EVI5: variants seen among roughly 807,000 people sequenced by gnomAD.
The protein encoded by EVI5 is ecotropic viral integration site 5 protein homolog.
EVI5 carries 73 observed loss-of-function variants against 112.0 expected under a neutral mutation model. That is an observed-to-expected ratio of 0.65 (90% CI 0.54 to 0.79). The LOEUF is 0.79. Among genes scored for constraint, EVI5 ranks in the 30% least tolerant of loss-of-function variants. The pLI is 0.00. For missense variants in EVI5, 900 were observed against 968.8 expected, an observed-to-expected ratio of 0.93 and a Z score of 0.94; for synonymous variants, 305 against 319.9, an observed-to-expected ratio of 0.95 and a Z score of 0.50.
intron 9 of EVI5, among the ~76,000 whole-genome samples, chr1:92,688,966 T>C (rs1171082348): frequency 2.6e-5 from 4 of 151,946 alleles, no homozygotes; most frequent in African/African-American, 4.8e-5. Flanking sequence ...TGACAAAAGA[T>C]TACAACCCAG....
chr1:92,530,456 C>T (rs747729121), intron 19 of EVI5, among the ~76,000 whole-genome samples: 3 of 152,122 alleles, frequency 2.0e-5, no homozygotes, highest in African/African-American at 7.2e-5. Flanking sequence ...AGACTGCCTC[C>T]TCAAGTGGGT....
chr1:92,536,132 A>G (rs538936206), intron 19 of EVI5, among the ~76,000 whole-genome samples: 49 of 152,314 alleles, frequency 3.2e-4, no homozygotes, highest in African/African-American at 1.2e-3. Context: ...AAGACATCTG[A>G]CACACTCAGC....
rs148022314 is a variant in EVI5, at chr1:92,543,135, G to C, written c.2166+20507C>G. ...TCTCTGTCGCTAGGAAAGCCATAGA[G>C]GGCATCTTCCTCCGGTATAAGACTG... On this transcript the variant is annotated intron_variant, in intron 19 of 19. Coordinates refer to ENST00000684568, the MANE Select transcript of EVI5 (RefSeq NM_001350197.2). Among the ~76,000 whole-genome samples the C allele has an allele frequency of 2.7e-3, 417 of 152,290 alleles. 6 individuals are homozygous for C. The highest frequency in any genetic ancestry group is 9.7e-3 in the African/African-American group (404 of 41,576).
At chr1:92,759,057 C>T (rs1484783126) in intron 1 of EVI5, among the ~76,000 whole-genome samples, 1 of 152,028 alleles carries the variant, frequency 6.6e-6, no homozygotes, top group South Asian at 2.1e-4. Context: ...GGTGAAACCC[C>T]ATCTCTACCG....
chr1:92,514,528 C>T (rs994204383), intron 19 of EVI5, among the ~76,000 whole-genome samples: 1 of 152,072 alleles, frequency 6.6e-6, no homozygotes, highest in Non-Finnish European at 1.5e-5. Flanking sequence ...TCTCATTCTA[C>T]AGATTAGGAA....
intron 1 of EVI5, among the ~76,000 whole-genome samples, chr1:92,741,892 A>G (rs962985872): frequency 6.6e-5 from 10 of 152,156 alleles, no homozygotes; most frequent in African/African-American, 2.2e-4. Context: ...TAAGGGAAAA[A>G]CTTCATGACA....
intron 1 of EVI5, among the ~76,000 whole-genome samples, chr1:92,783,828 A>G (rs1257784536): frequency 1.6e-5 from 2 of 121,696 alleles, no homozygotes; most frequent in Non-Finnish European, 3.9e-5. Context: ...AAAAAAAAAG[A>G]AAAGAAAAGA....
At chr1:92,686,898 A>G (rs993336894) in intron 9 of EVI5, among the ~76,000 whole-genome samples, 1 of 152,224 alleles carries the variant, frequency 6.6e-6, no homozygotes. Flanking sequence ...GAGGACACAA[A>G]CAAACGGAAG....
intron 13 of EVI5, among the ~76,000 whole-genome samples, chr1:92,642,198 T>C (rs1489160667): frequency 1.3e-5 from 2 of 152,172 alleles, no homozygotes; most frequent in Non-Finnish European, 1.5e-5. Context: ...AAAAATTACA[T>C]CCTTTAAGAA....
rs182282237 is a variant in EVI5 at position 92,777,454 on chromosome 1, G to A, written c.-82+7382C>T. On this transcript the variant is annotated intron_variant, in intron 1 of 19. Coordinates refer to ENST00000684568, the MANE Select transcript of EVI5 (RefSeq NM_001350197.2). The stretch of plus-strand genomic sequence containing the variant: ...AAGGTATCAAATAGCTCGTTAAACC[G>A]GATTATCTTCAAAATCACTTCCAAT... 5.4e-4 allele frequency among the ~76,000 whole-genome samples: 82 copies of A among 152,126 alleles called. 1 individual carries two copies. In the Middle Eastern group the frequency reaches 0.02, roughly 38 times the overall value.
intron 14 of EVI5, among the ~76,000 whole-genome samples, chr1:92,629,326 C>A (rs1464188985): frequency 6.6e-6 from 1 of 152,176 alleles, no homozygotes. Flanking sequence ...ACTGTTATGT[C>A]CATTATCTAT....
chr1:92,667,215 T>C (rs1167454538), intron 10 of EVI5, among the ~76,000 whole-genome samples: 1 of 152,042 alleles, frequency 6.6e-6, no homozygotes, highest in Non-Finnish European at 1.5e-5. Flanking sequence ...GCCCTGGAAG[T>C]GGAGGTTGCA....
At chr1:92,537,948 A>G (rs7553156) in intron 19 of EVI5, among the ~76,000 whole-genome samples, 86 of 152,292 alleles carry the variant, frequency 5.6e-4, no homozygotes, top group African/African-American at 1.9e-3. Context: ...TGCAATAGTT[A>G]AAGCTGACGT....
intron 1 of EVI5, among the ~76,000 whole-genome samples, chr1:92,782,860 C>T (rs561139039): frequency 1.3e-5 from 2 of 152,226 alleles, no homozygotes; most frequent in South Asian, 4.1e-4. Flanking sequence ...CACTCTGCCG[C>T]TCAGGCTGGA....
intron 18 of EVI5, among the ~76,000 whole-genome samples, chr1:92,593,939 A>G (rs932116182): frequency 1.3e-5 from 2 of 152,194 alleles, no homozygotes; most frequent in African/African-American, 2.4e-5. Context: ...ACAAATGGAA[A>G]AACATTCCAT....
At chr1:92,515,834 C>T (rs536766526) in intron 19 of EVI5, among the ~76,000 whole-genome samples, 1 of 152,314 alleles carries the variant, frequency 6.6e-6, no homozygotes, top group Admixed American at 6.5e-5. Context: ...CACTTCCCTG[C>T]TTGTATATGA....
intron 2 of EVI5, among the ~76,000 whole-genome samples, chr1:92,709,419 G>A (rs1228990655): frequency 2.6e-5 from 4 of 152,092 alleles, no homozygotes; most frequent in African/African-American, 7.2e-5. Context: ...AAAATTCGGT[G>A]AGAAATGACT....
At chr1:92,614,834 T>C (rs149472100) in intron 16 of EVI5, among the ~76,000 whole-genome samples, 612 of 25,792 alleles carry the variant, frequency 0.024, 5 homozygotes, top group African/African-American at 0.097. Flanking sequence ...TATTTTATGT[T>C]ATATTTTATA....
At chr1:92,743,365 A>G (rs1458018326) in intron 1 of EVI5, among the ~76,000 whole-genome samples, 1 of 152,118 alleles carries the variant, frequency 6.6e-6, no homozygotes, top group Non-Finnish European at 1.5e-5. Flanking sequence ...AAAAAAAGGG[A>G]AGGAAATTCT....
Sources: gnomAD v4.1 joint callset for allele counts (sites outside exome capture counted in the v4.1 genomes callset) on GRCh38, gnomAD v4.1.1 for gene constraint, MANE v1.5 for transcripts, NCBI Gene and HGNC (gene_info 2026-07-23, HGNC 2026-07-21) for gene names.